BLTP3B: variants seen among roughly 807,000 people sequenced by gnomAD.
The protein encoded by BLTP3B is UHRF1 (ICBP90) binding protein 1-like.
At chr12:100,042,502 C>A in the BLTP3B span, among the ~76,000 whole-genome samples, 3 of 152,116 alleles carry the variant, frequency 2.0e-5, no homozygotes, top group Non-Finnish European at 4.4e-5. Flanking sequence ...TACCCATACT[C>A]AAATTGAACA....
the BLTP3B span, chr12:100,102,805 G>A: frequency 1.2e-6 from 2 of 1,608,802 alleles, no homozygotes; most frequent in Non-Finnish European, 8.5e-7. Flanking sequence ...TGGGCCATTA[G>A]GGCTTCTTGG....
chr12:100,102,846 T>G, the BLTP3B span: 14 of 1,600,522 alleles, frequency 8.7e-6, no homozygotes, highest in Non-Finnish European at 1.2e-5. Flanking sequence ...CCATTATTAC[T>G]TTATCCAGGG....
chr12:100,138,500 C>T, the BLTP3B span, among the ~76,000 whole-genome samples: 1 of 152,228 alleles, frequency 6.6e-6, no homozygotes, highest in South Asian at 2.1e-4. Context: ...CTAGCAGCAT[C>T]CCTGGCCTCT....
chr12:100,141,804 C>T, the BLTP3B span, among the ~76,000 whole-genome samples: 2 of 152,062 alleles, frequency 1.3e-5, no homozygotes, highest in Admixed American at 6.6e-5. Context: ...GCCAGCCTTA[C>T]TGAGTCATGT....
At chr12:100,102,417 A>T in the BLTP3B span, among the ~76,000 whole-genome samples, 1 of 152,004 alleles carries the variant, frequency 6.6e-6, no homozygotes, top group Non-Finnish European at 1.5e-5. Context: ...CAGCCTCCCA[A>T]CTTAACTCTT....
At chr12:100,080,855 AC>A in the BLTP3B span, among the ~76,000 whole-genome samples, 1 of 145,256 alleles carries the variant, frequency 6.9e-6, no homozygotes, top group Non-Finnish European at 1.5e-5. Context: ...CTGTGTCCCC[AC>A]CCAAATTTCA....
chr12:100,046,679 A>T, the BLTP3B span, among the ~76,000 whole-genome samples: 1 of 152,102 alleles, frequency 6.6e-6, no homozygotes, highest in Non-Finnish European at 1.5e-5. Flanking sequence ...TACCTATGTA[A>T]AAAACCTGGA....
chr12:100,085,657 T>C, the BLTP3B span, among the ~76,000 whole-genome samples: 1 of 152,196 alleles, frequency 6.6e-6, no homozygotes, highest in Admixed American at 6.5e-5. Flanking sequence ...GAAAACTCTA[T>C]GATCTCTAGT....
the BLTP3B span, chr12:100,097,304 A>T: frequency 2.6e-6 from 4 of 1,528,230 alleles, no homozygotes; most frequent in African/African-American, 4.1e-5. Flanking sequence ...TTAACACACA[A>T]ATCAAAAAGT....
chr12:100,089,656 G>C, the BLTP3B span, among the ~76,000 whole-genome samples: 1 of 152,148 alleles, frequency 6.6e-6, no homozygotes, highest in Non-Finnish European at 1.5e-5. Flanking sequence ...AATATCTGAA[G>C]TTATATTTAA....
chr12:100,063,155 T>A, the BLTP3B span, among the ~76,000 whole-genome samples: 1 of 152,076 alleles, frequency 6.6e-6, no homozygotes, highest in Non-Finnish European at 1.5e-5. Context: ...CCAGAATCAC[T>A]ACAGGAATAA....
At chr12:100,041,158 CA>C in the BLTP3B span, among the ~76,000 whole-genome samples, 1 of 152,078 alleles carries the variant, frequency 6.6e-6, no homozygotes, top group South Asian at 2.1e-4. Flanking sequence ...ATCTATCATC[CA>C]AAAAGTAACT....
At chr12:100,037,397 C>T in the BLTP3B span, 3,756 of 1,218,386 alleles carry the variant, frequency 3.1e-3, 26 homozygotes, top group Middle Eastern at 5.4e-3. Context: ...GTTGACTTCC[C>T]TAGATCACAA....
chr12:100,071,482 G>C, the BLTP3B span, among the ~76,000 whole-genome samples: 1 of 113,522 alleles, frequency 8.8e-6, no homozygotes, highest in Non-Finnish European at 1.7e-5. Flanking sequence ...GGGTGACAGA[G>C]CAAGACTATG....
At chr12:100,059,916 G>A in the BLTP3B span, 1 of 1,612,618 alleles carries the variant, frequency 6.2e-7, no homozygotes, top group Non-Finnish European at 8.5e-7. Flanking sequence ...CATTCAACTT[G>A]TACACAGCCA....
chr12:100,059,787 C>T, the BLTP3B span: 59 of 1,475,456 alleles, frequency 4.0e-5, no homozygotes, highest in East Asian at 7.8e-4. Flanking sequence ...CATACATATA[C>T]GCACAAATCA....
chr12:100,063,413 A>G, the BLTP3B span, among the ~76,000 whole-genome samples: 2 of 152,202 alleles, frequency 1.3e-5, no homozygotes, highest in Non-Finnish European at 2.9e-5. Context: ...ACAGGAAGAA[A>G]GGGAGAATAC....
the BLTP3B span, among the ~76,000 whole-genome samples, chr12:100,123,738 T>C: frequency 1.3e-5 from 2 of 150,762 alleles, no homozygotes; most frequent in South Asian, 2.1e-4. Flanking sequence ...ATGCTCCCAA[T>C]GGTTTAAACT....
At chr12:100,137,102 C>T in the BLTP3B span, among the ~76,000 whole-genome samples, 1 of 152,186 alleles carries the variant, frequency 6.6e-6, no homozygotes, top group South Asian at 2.1e-4. Flanking sequence ...TAAGCCACGG[C>T]GCCCAGCCTC....
Sources: allele counts gnomAD v4.1 joint callset (sites outside exome capture counted in the v4.1 genomes callset), GRCh38; gene constraint gnomAD v4.1.1; transcripts MANE v1.5; gene names NCBI Gene and HGNC (gene_info 2026-07-23, HGNC 2026-07-21).